DLGAP3: variants seen among roughly 807,000 people sequenced by gnomAD.
The protein encoded by DLGAP3 is disks large-associated protein 3.
DLGAP3 carries 17 observed loss-of-function variants against 81.2 expected under a neutral mutation model. That is an observed-to-expected ratio of 0.21 (90% CI 0.14 to 0.31). DLGAP3 has a LOEUF of 0.31. DLGAP3 is among the 10% of genes least tolerant of loss of function. DLGAP3 has a pLI of 1.00. For missense variants in DLGAP3, 1,124 were observed against 1,388.0 expected, an observed-to-expected ratio of 0.81 and a Z score of 3.02; for synonymous variants, 577 against 587.4, an observed-to-expected ratio of 0.98 and a Z score of 0.26.
intron 1 of DLGAP3, among the ~76,000 whole-genome samples, chr1:34,927,873 C>A (rs976949273): frequency 6.6e-6 from 1 of 152,184 alleles, no homozygotes; most frequent in Non-Finnish European, 1.5e-5. Flanking sequence ...AAGACCTGGG[C>A]TGAGGTCTTT....
At chr1:34,884,564 G>A (rs918070723) in intron 8 of DLGAP3, among the ~76,000 whole-genome samples, 1 of 150,618 alleles carries the variant, frequency 6.6e-6, no homozygotes, top group Non-Finnish European at 1.5e-5. Context: ...AGGGGCTCCT[G>A]AGAGGCAATC....
intron 5 of DLGAP3, among the ~76,000 whole-genome samples, chr1:34,897,983 C>T (rs926746584): frequency 1.3e-5 from 2 of 152,172 alleles, no homozygotes; most frequent in African/African-American, 4.8e-5. Flanking sequence ...AGAGCAGCAA[C>T]TGCGGCAGCC....
intron 5 of DLGAP3, among the ~76,000 whole-genome samples, chr1:34,894,426 T>C (rs1485785668): frequency 6.6e-6 from 1 of 152,140 alleles, no homozygotes; most frequent in Admixed American, 6.6e-5. Flanking sequence ...CACAGACCTA[T>C]GGAGCACACA....
At chr1:34,917,073 C>T (rs1042027012) in intron 1 of DLGAP3, among the ~76,000 whole-genome samples, 2 of 152,042 alleles carry the variant, frequency 1.3e-5, no homozygotes, top group African/African-American at 4.8e-5. Context: ...CCCAGTGTGC[C>T]CTTTCTCATC....
chr1:34,922,953 C>T (rs1569671073), intron 1 of DLGAP3, among the ~76,000 whole-genome samples: 1 of 151,946 alleles, frequency 6.6e-6, no homozygotes, highest in South Asian at 2.1e-4. Context: ...GGGAAAAAAT[C>T]GTCATTTTTT....
rs116086013 is a variant in DLGAP3 at position 34,926,947 on chromosome 1, T to A, written c.-135+2504A>T. On this transcript the variant is annotated intron_variant, in intron 1 of 11. Coordinates refer to ENST00000373347, the MANE Select transcript of DLGAP3 (RefSeq NM_001080418.3). ...CTGGGGAGGATGAAGGAAAACAAGC[T>A]TAGCCAGCTCGAGCCCCAACATCAG... Among the ~76,000 whole-genome samples the A allele has an allele frequency of 7.7e-3, 1,173 of 152,286 alleles. 13 individuals are homozygous for A. The highest frequency in any genetic ancestry group is 0.027 in the African/African-American group (1,136 of 41,538).
At chr1:34,915,631 G>A (rs927087271) in intron 1 of DLGAP3, among the ~76,000 whole-genome samples, 2 of 152,188 alleles carry the variant, frequency 1.3e-5, no homozygotes, top group Admixed American at 1.3e-4. Flanking sequence ...TTTCCCACAG[G>A]AGAGTCCAGC....
chr1:34,910,760 A>C (rs1639627440), intron 1 of DLGAP3, among the ~76,000 whole-genome samples: 1 of 152,136 alleles, frequency 6.6e-6, no homozygotes, highest in African/African-American at 2.4e-5. Flanking sequence ...CTCTCAAGGC[A>C]CCATGTACCT....
chr1:34,896,585 T>TCACACACACACACACAAACACACA (rs10632485), intron 5 of DLGAP3, among the ~76,000 whole-genome samples: 2 of 146,798 alleles, frequency 1.4e-5, no homozygotes, highest in African/African-American at 5.1e-5. Context: ...CCAGACTCCA[T>TCACACACACACACACAAACACACA]CACACACACA....
chr1:34,907,933 C>G (rs1639583102), intron 1 of DLGAP3, among the ~76,000 whole-genome samples: 1 of 152,232 alleles, frequency 6.6e-6, no homozygotes, highest in African/African-American at 2.4e-5. Flanking sequence ...TTCCTTTCAT[C>G]CACCTCAAAG....
intron 8 of DLGAP3, among the ~76,000 whole-genome samples, chr1:34,880,761 A>T (rs868093582): frequency 2.0e-5 from 3 of 152,234 alleles, no homozygotes; most frequent in Non-Finnish European, 4.4e-5. Context: ...ACATTTTAAT[A>T]CTATGAGAAA....
chr1:34,882,528 C>T (rs1233115953), intron 8 of DLGAP3, among the ~76,000 whole-genome samples: 1 of 152,168 alleles, frequency 6.6e-6, no homozygotes, highest in Non-Finnish European at 1.5e-5. Flanking sequence ...AGTGCTACCA[C>T]ACACTAGCAG....
intron 1 of DLGAP3, among the ~76,000 whole-genome samples, chr1:34,925,748 C>A (rs1639864033): frequency 6.6e-6 from 1 of 152,192 alleles, no homozygotes; most frequent in South Asian, 2.1e-4. Flanking sequence ...AAGCAGGGGC[C>A]TTTGGGAGCT....
chr1:34,884,913 A>T, intron 8 of DLGAP3, 65 bp downstream of exon 8: 1 of 1,217,848 alleles, frequency 8.2e-7, no homozygotes, highest in Non-Finnish European at 1.2e-6. Flanking sequence ...GCTAGTGGGG[A>T]CACTATGCAG....
chr1:34,881,485 C>A (rs973514215), intron 8 of DLGAP3, among the ~76,000 whole-genome samples: 2 of 152,184 alleles, frequency 1.3e-5, no homozygotes, highest in African/African-American at 4.8e-5. Flanking sequence ...CTTCTCACTG[C>A]TCAGAATGCA....
intron 5 of DLGAP3, among the ~76,000 whole-genome samples, chr1:34,893,134 TGCAGTCC>T (rs2148406243): frequency 7.2e-6 from 1 of 138,830 alleles, no homozygotes; most frequent in South Asian, 2.2e-4. Flanking sequence ...ATTGCGCCAC[TGCAGTCC>T]GCAGTCCGGC....
Position 34,904,219 on chromosome 1 carries a change from A to G in DLGAP3, c.1107+58T>C. ...CACCCAACCCTTTCCACTGCTCCCT[A>G]GTTGACAAGACTGGTGAAGGCTAAG... is the stretch of plus-strand genomic sequence containing the variant. On this transcript the variant is annotated intron_variant, in intron 3 of 11. Coordinates refer to ENST00000373347, the MANE Select transcript of DLGAP3 (RefSeq NM_001080418.3). This position sits in a 1 kb window ranked among gnomAD's most constrained non-coding sequence, Gnocchi z 8.1. 1 of 1,592,302 alleles carries G rather than the reference A, an allele frequency of 6.3e-7. No homozygotes were observed. Among genetic ancestry groups the G allele is most frequent in the Non-Finnish European group, 8.5e-7 (1 of 1,173,902 alleles).
Position 34,868,939 on chromosome 1 carries a change from C to G in DLGAP3, c.2151G>C (p.Gln717His). 1 of 1,609,842 alleles carries G rather than the reference C, an allele frequency of 6.2e-7. No homozygotes were observed. The highest frequency in any genetic ancestry group is 1.1e-5 in the South Asian group (1 of 91,074). Reference protein sequence around the residue: ...RSFQRHASEPQPGPRAPTYSV... With the variant: ...RSFQRHASEPHPGPRAPTYSV... ...AGTAGGTGGGGGCCCGGGGCCCAGG[C>G]TGGGGCTCAGAGGCGTGCCTCTGGA... Residue 717 changes from glutamine to histidine, a missense_variant, in exon 9 of 12, where the codon CAG becomes CAC. Transcript: ENST00000373347. This position sits in a 1 kb window ranked among gnomAD's most constrained non-coding sequence, Gnocchi z 7.5.
intron 8 of DLGAP3, among the ~76,000 whole-genome samples, chr1:34,881,079 A>G (rs1639137191): frequency 1.3e-5 from 2 of 152,220 alleles, no homozygotes; most frequent in Admixed American, 1.3e-4. Context: ...TAGCTCTAAT[A>G]CCTGAATTGA....
Sources: allele counts gnomAD v4.1 joint callset (sites outside exome capture counted in the v4.1 genomes callset), GRCh38; gene constraint gnomAD v4.1.1; non-coding constraint Gnocchi (gnomAD v3.1); transcripts MANE v1.5; gene names NCBI Gene and HGNC (gene_info 2026-07-23, HGNC 2026-07-21).